The following TRMT13 variants were observed in gnomAD, a reference collection of about 807,000 sequenced individuals.
The protein encoded by TRMT13 is tRNA:m(4)X modification enzyme TRM13 homolog.
A neutral mutation model predicts 55.9 loss-of-function variants in TRMT13; 45 were observed. That is an observed-to-expected ratio of 0.80 (90% CI 0.63 to 1.03). The LOEUF (loss-of-function observed/expected upper bound fraction) is 1.03. Among genes scored for constraint, TRMT13 ranks in the 50% least tolerant of loss-of-function variants. The pLI, the probability that TRMT13 is intolerant of heterozygous loss-of-function variation, is 0.00. For synonymous variants in TRMT13, 183 were observed against 196.3 expected, an observed-to-expected ratio of 0.93 and a Z score of 0.57; for missense variants, 513 against 563.9, an observed-to-expected ratio of 0.91 and a Z score of 0.91.
intron 9 of TRMT13, among the ~76,000 whole-genome samples, chr1:100,145,513 T>C (rs1657138465): frequency 6.6e-6 from 1 of 152,202 alleles, no homozygotes. Flanking sequence ...GCGATACTCT[T>C]ATTTCCTGGT....
At chr1:100,136,256 A>G (rs754393078) in intron 1 of TRMT13, among the ~76,000 whole-genome samples, 27 of 152,290 alleles carry the variant, frequency 1.8e-4, no homozygotes, top group Middle Eastern at 6.8e-3. Context: ...TTTCTAAGAA[A>G]CTTTATTTTT....
At position 100,147,503 on chromosome 1, in the gene TRMT13, CTTCCTTCATTT is replaced by C. The variant is rs1657420945; in HGVS notation, c.818-384_818-374del. Among the ~76,000 whole-genome samples the C allele has an allele frequency of 2.0e-5, 3 of 152,152 alleles. No homozygotes were observed. The South Asian group carries it at 6.2e-4, about 31-fold the overall frequency. ...CTGCCCTTCCTCCCTCCCTTCCTTCCTTCCTTCATTTTTCCTTTCTTAAACTAGAATGTAAG... is the reference window on the plus strand; with the variant it reads ...CTGCCCTTCCTCCCTCCCTTCCTTCCTTCCTTTCTTAAACTAGAATGTAAG... On this transcript the variant is annotated intron_variant, in intron 9 of 10. Coordinates refer to ENST00000370141, the MANE Select transcript of TRMT13 (RefSeq NM_019083.3).
At position 100,147,922 on chromosome 1, in the gene TRMT13, C is replaced by A. The variant is rs775900166; in HGVS notation, c.846C>A (p.Thr282=). The change falls in exon 10 of 11, where the codon ACC becomes ACA. Residue 282 remains threonine (T), a synonymous_variant. Coordinates refer to ENST00000370141, the MANE Select transcript of TRMT13 (RefSeq NM_019083.3). ...TDLALRCLVE[T]YAASFEERNE... ...TTGCATTACGATGTTTGGTTGAAAC[C>A]TATGCTGCCAGTTTTGAGGAAAGGA... 2.5e-6 allele frequency: 4 copies of A among 1,609,714 alleles called. No homozygotes were observed. The highest frequency in any genetic ancestry group is 3.4e-6 in the Non-Finnish European group (4 of 1,178,226).
chr1:100,137,201 A>ATT, intron 3 of TRMT13, 116 bp downstream of exon 3: 2 of 885,462 alleles, frequency 2.3e-6, no homozygotes, highest in East Asian at 2.6e-5. Context: ...AGGAAATATA[A>ATT]TTTTTTTTTA....
At chr1:100,141,162 T>G (rs1656576716) in intron 7 of TRMT13, 143 bp downstream of exon 7, 1 of 712,612 alleles carries the variant, frequency 1.4e-6, no homozygotes, top group South Asian at 2.8e-5. Context: ...TAGTTCTAAT[T>G]GTATTGATAA....
intron 7 of TRMT13, among the ~76,000 whole-genome samples, chr1:100,142,381 A>C (rs757159913): frequency 3.3e-5 from 5 of 152,232 alleles, no homozygotes; most frequent in Admixed American, 6.5e-5. Flanking sequence ...TTGTCCAACA[A>C]TCCAAGTAAG....
rs1454768366 is a variant in TRMT13 at position 100,148,208 on chromosome 1, A to G, written c.1132A>G (p.Thr378Ala). The G allele has an allele frequency of 1.2e-6, 2 of 1,614,164 alleles. No homozygotes were observed. Among genetic ancestry groups the G allele is most frequent in the Non-Finnish European group, 1.7e-6 (2 of 1,180,016 alleles). The change falls in exon 10 of 11, where the codon ACA becomes GCA. Residue 378 changes from threonine to alanine, a missense_variant. Physicochemically the swap from Thr to Ala is moderately conservative, Grantham distance 58 (BLOSUM62 0). Around this residue, in one of 3 missense-constraint regions of TRMT13, gnomAD observed 209 missense variants for 255.8 expected, o/e 0.82. Transcript: ENST00000370141. ...TTGGGCAACTTGTGGGATGCGGAAA[A>G]CATCTTTGGAAACCTCAAATAGTAC... Reference protein sequence around the residue: ...SSWATCGMRKTSLETSNSTTK... With the variant: ...SSWATCGMRKASLETSNSTTK...
At chr1:100,143,635 A>G (rs1343442592) in intron 8 of TRMT13, among the ~76,000 whole-genome samples, 2 of 152,182 alleles carry the variant, frequency 1.3e-5, no homozygotes, top group Non-Finnish European at 2.9e-5. Context: ...AAATTGTACA[A>G]AAGAAGTCAT....
rs747121506 is a variant in TRMT13 at position 100,148,619 on chromosome 1, A to G, written c.1251-6A>G. The G allele has an allele frequency of 6.3e-7, 1 of 1,597,034 alleles. No homozygotes were observed. Among genetic ancestry groups the G allele is most frequent in the Non-Finnish European group, 8.5e-7 (1 of 1,175,596 alleles). ...ACAATGTTTTGTGTGTGTTTATTCAATTTAGGCTTCTTAGTGTTGAAGAAA... is the reference window on the plus strand; with the variant it reads ...ACAATGTTTTGTGTGTGTTTATTCAGTTTAGGCTTCTTAGTGTTGAAGAAA... On this transcript the variant is annotated splice_polypyrimidine_tract_variant and splice_region_variant and intron_variant, in intron 10 of 10. Transcript: ENST00000370141.
intron 10 of TRMT13, 49 bp downstream of exon 10, chr1:100,148,375 T>C: frequency 6.6e-7 from 1 of 1,525,884 alleles, no homozygotes. Context: ...AAATATTATA[T>C]TGTACTGTAC....
chr1:100,133,743 C>A (rs1655376352), intron 1 of TRMT13, among the ~76,000 whole-genome samples: 1 of 152,086 alleles, frequency 6.6e-6, no homozygotes, highest in Admixed American at 6.6e-5. Flanking sequence ...AAGAAACTTT[C>A]TTTTAAAAAT....
intron 1 of TRMT13, among the ~76,000 whole-genome samples, chr1:100,134,249 A>G (rs1391115832): frequency 1.3e-5 from 2 of 152,170 alleles, no homozygotes; most frequent in Non-Finnish European, 2.9e-5. Flanking sequence ...ATTTGTATAT[A>G]TGTATATTAC....
intron 3 of TRMT13, among the ~76,000 whole-genome samples, chr1:100,139,075 C>T (rs563502065): frequency 6.6e-6 from 1 of 152,360 alleles, no homozygotes; most frequent in South Asian, 2.1e-4. Flanking sequence ...GCTAGGATTA[C>T]AGGCCTGAGC....
chr1:100,149,212 G>T lies in TRMT13; in HGVS notation c.*392G>T. On this transcript the variant is annotated 3_prime_UTR_variant, in exon 11 of 11. Coordinates refer to ENST00000370141, the MANE Select transcript of TRMT13 (RefSeq NM_019083.3). ...ATTTTTTATTTCTTAAGTTCAAGAG[G>T]TAGTGATTGATTGTAACAAGGGCCA... 6.7e-7 allele frequency: 1 copy of T among 1,491,164 alleles called. No homozygotes were observed. The highest frequency in any genetic ancestry group is 8.9e-7 in the Non-Finnish European group (1 of 1,125,148). 92.4% of individuals were successfully genotyped at this position (1,491,164 alleles called of 1,614,324 possible).
chr1:100,138,420 G>T (rs1173595713), intron 3 of TRMT13, among the ~76,000 whole-genome samples: 1 of 152,106 alleles, frequency 6.6e-6, no homozygotes, highest in East Asian at 1.9e-4. Flanking sequence ...TTCTATTATA[G>T]TTTTTTTCCG....
intron 8 of TRMT13, 43 bp from the exon 9 acceptor site, chr1:100,144,026 G>A (rs1438788388): frequency 1.3e-6 from 2 of 1,511,054 alleles, no homozygotes; most frequent in Admixed American, 1.7e-5. Context: ...ACATTAATAT[G>A]TACTTTATTT....
rs1303141116 is a variant in TRMT13, at chr1:100,133,311, C to CTGGAGCCAT, written c.143_144insTGGAGCCAT (p.Ala48_Glu49insGlyAlaMet). On this transcript the variant is annotated inframe_insertion, in exon 1 of 11. Transcript: ENST00000370141. The stretch of plus-strand genomic sequence containing the variant: ...TTTTGTGGTGAACACGCTGGAGCCG[C>CTGGAGCCAT]GGAGGTGTGGTATCGCCCTACTCTC... 1 of 1,612,720 alleles carries CTGGAGCCAT rather than the reference C, an allele frequency of 6.2e-7. No individual in the cohort carries two copies. The highest frequency in any genetic ancestry group is 1.3e-5 in the African/African-American group (1 of 74,688).
rs751123395 is a variant in TRMT13 at position 100,148,354 on chromosome 1, T to C, written c.1250+28T>C. 4 of 1,587,420 alleles carry C rather than the reference T, an allele frequency of 2.5e-6. No homozygotes were observed. The South Asian group carries it at 3.4e-5, about 13-fold the overall frequency. ...AAGAGACTACTTTTGTAATGCATGA[T>C]ACTAAAGGAGAAATATTATATTGTA... On this transcript the variant is annotated intron_variant, in intron 10 of 10. Transcript: ENST00000370141.
At position 100,139,664 on chromosome 1, in the gene TRMT13, G is replaced by A; in HGVS notation, c.277G>A (p.Asp93Asn). The change falls in exon 4 of 11, where the codon GAT (aspartate) becomes AAT (asparagine). Residue 93 changes from aspartate to asparagine, a missense_variant. By Grantham distance (23) the Asp-to-Asn change is conservative. This residue lies in a region of TRMT13 where 298 missense variants were observed against 290.3 expected (regional missense o/e 1.03). Coordinates refer to ENST00000370141, the MANE Select transcript of TRMT13 (RefSeq NM_019083.3). ...TTTTGTTAAGGATTTCTATATTCAA[G>A]ATATTAATGCAGGCTTAAGAGATGA... is the stretch of plus-strand genomic sequence containing the variant. ...EKPKPDFYIQ[D>N]INAGLRDETE... 2 of 1,541,522 alleles carry A rather than the reference G, an allele frequency of 1.3e-6. No individual in the cohort carries two copies. Among genetic ancestry groups the A allele is most frequent in the South Asian group, 1.1e-5 (1 of 88,922 alleles).
Sources: allele counts gnomAD v4.1 joint callset (sites outside exome capture counted in the v4.1 genomes callset), GRCh38; gene constraint gnomAD v4.1.1; regional missense constraint gnomAD v4.1.1; transcripts MANE v1.5; gene names NCBI Gene and HGNC (gene_info 2026-07-23, HGNC 2026-07-21).